The following DNAH9 variants were observed in gnomAD, a reference collection of about 807,000 sequenced individuals.
DNAH9 encodes the protein dynein axonemal heavy chain 9.
In DNAH9, 345 loss-of-function variants were observed where a neutral mutation model predicts 471.6. The ratio of observed to expected loss-of-function variants is 0.73; its 90% CI spans 0.67 to 0.80. DNAH9 has a LOEUF of 0.80. Among genes scored for constraint, DNAH9 ranks in the 30% least tolerant of loss-of-function variants. The probability of loss-of-function intolerance (pLI) is 0.00; values close to 1 mark genes in which losing one functional copy is unlikely to be tolerated. For synonymous variants in DNAH9, 2,093 were observed against 2,123.6 expected (o/e 0.99, Z 0.40); for missense variants, 5,407 against 5,609.2 (o/e 0.96, Z 1.15).
intron 48 of DNAH9, among the ~76,000 whole-genome samples, chr17:11,834,193 G>T (rs1970762801): frequency 1.3e-5 from 2 of 151,990 alleles, no homozygotes; most frequent in Non-Finnish European, 2.9e-5. Flanking sequence ...GCTGGGCTTG[G>T]TGGCACATGC....
intron 10 of DNAH9, among the ~76,000 whole-genome samples, chr17:11,642,510 C>CAT (rs2073295363): frequency 6.6e-6 from 1 of 152,108 alleles, no homozygotes; most frequent in East Asian, 1.9e-4. Context: ...CGAGATTGCG[C>CAT]CATTGCACTC....
rs1967557471 is a variant in DNAH9 at position 11,759,483 on chromosome 17, T to G, written c.6995+1791T>G. On this transcript the variant is annotated intron_variant, in intron 35 of 68. Transcript: ENST00000262442. ...ATTCTTTTTTATGACTAAGTAGTAT[T>G]CCATGTGATATACATAGGTATATAT... 2.0e-5 allele frequency among the ~76,000 whole-genome samples: 3 copies of G among 151,212 alleles called. No homozygotes were observed. The South Asian group carries it at 6.3e-4, about 32-fold the overall frequency.
At chr17:11,964,538 G>A (rs372879322) in intron 68 of DNAH9, among the ~76,000 whole-genome samples, 57 of 152,242 alleles carry the variant, frequency 3.7e-4, no homozygotes, top group Admixed American at 5.2e-4. Context: ...GAAGAGTCAG[G>A]ACCTCCTAAA....
rs146550847 is a variant in DNAH9 at position 11,792,270 on chromosome 17, G to A, written c.8062-1233G>A. ...GCCTGGGCAACAAGAGCGAAACTCC[G>A]TCTCAAAAAGAAAAGAGTGATCATG... On this transcript the variant is annotated intron_variant, in intron 41 of 68. Transcript: ENST00000262442. Among the ~76,000 whole-genome samples the A allele has an allele frequency of 8.8e-4, 134 of 152,258 alleles. No individual in the cohort carries two copies. The East Asian group carries it at 0.013, about 14-fold the overall frequency.
At chr17:11,654,705 C>T (rs2073600755) in intron 14 of DNAH9, among the ~76,000 whole-genome samples, 1 of 151,852 alleles carries the variant, frequency 6.6e-6, no homozygotes, top group Non-Finnish European at 1.5e-5. Context: ...TATCTAGTAT[C>T]TACTATACAC....
intron 61 of DNAH9, among the ~76,000 whole-genome samples, chr17:11,906,627 C>CA (rs61461731): frequency 0.045 from 4,366 of 97,924 alleles, 299 homozygotes; most frequent in African/African-American, 0.16. Context: ...GACTCTGTCT[C>CA]AAAAAAAAAA....
chr17:11,705,357 C>A (rs992703893), intron 26 of DNAH9, 172 bp downstream of exon 26: 1 of 587,724 alleles, frequency 1.7e-6, no homozygotes, highest in African/African-American at 1.9e-5. Flanking sequence ...TAGGGCAGAG[C>A]CTTTCTTGGA....
intron 13 of DNAH9, among the ~76,000 whole-genome samples, 181 bp from the exon 14 acceptor site, chr17:11,652,580 C>T (rs1416499528): frequency 5.3e-5 from 8 of 152,100 alleles, no homozygotes; most frequent in Non-Finnish European, 7.4e-5. Flanking sequence ...CCACCGTGCC[C>T]GGCCAGGGTT....
At chr17:11,835,788 A>G (rs1970831242) in intron 49 of DNAH9, among the ~76,000 whole-genome samples, 1 of 152,098 alleles carries the variant, frequency 6.6e-6, no homozygotes, top group South Asian at 2.1e-4. Context: ...CTTCCTTCAA[A>G]TGAAACACTT....
chr17:11,722,115 G>T (rs546844146), intron 27 of DNAH9, among the ~76,000 whole-genome samples: 1 of 152,216 alleles, frequency 6.6e-6, no homozygotes, highest in Non-Finnish European at 1.5e-5. Flanking sequence ...GTCAGGAAGA[G>T]CTGCTGTGCA....
intron 41 of DNAH9, among the ~76,000 whole-genome samples, chr17:11,788,995 TAA>T (rs898976569): frequency 3.9e-5 from 6 of 152,212 alleles, no homozygotes; most frequent in African/African-American, 1.2e-4. Flanking sequence ...TTTAATTATA[TAA>T]AGTTTTTCTC....
chr17:11,787,688 G>A (rs1234827266), intron 41 of DNAH9, among the ~76,000 whole-genome samples: 1 of 152,138 alleles, frequency 6.6e-6, no homozygotes, highest in African/African-American at 2.4e-5. Flanking sequence ...ATCTCATCTT[G>A]AATTGTACTC....
intron 50 of DNAH9, among the ~76,000 whole-genome samples, chr17:11,860,302 T>C (rs1357297679): frequency 1.3e-5 from 2 of 152,218 alleles, no homozygotes; most frequent in Non-Finnish European, 2.9e-5. Flanking sequence ...AACTTTCCAT[T>C]TACAATTAAG....
At chr17:11,846,416 T>C (rs1282184823) in intron 49 of DNAH9, among the ~76,000 whole-genome samples, 2 of 151,660 alleles carry the variant, frequency 1.3e-5, no homozygotes, top group African/African-American at 4.9e-5. Flanking sequence ...CCTTGTAATA[T>C]AGTTTGAAGT....
chr17:11,656,285 G>C (rs1191229921), intron 14 of DNAH9, among the ~76,000 whole-genome samples: 1 of 152,056 alleles, frequency 6.6e-6, no homozygotes, highest in African/African-American at 2.4e-5. Flanking sequence ...ATTGCATTGT[G>C]GTTTTGATTT....
chr17:11,895,706 A>G (rs765580073), intron 59 of DNAH9, among the ~76,000 whole-genome samples: 4 of 152,276 alleles, frequency 2.6e-5, no homozygotes, highest in East Asian at 1.9e-4. Context: ...CCAGTTCCCA[A>G]TACCTACCAA....
At chr17:11,946,861 C>T (rs1177372490) in intron 67 of DNAH9, among the ~76,000 whole-genome samples, 2 of 152,088 alleles carry the variant, frequency 1.3e-5, no homozygotes, top group African/African-American at 4.8e-5. Flanking sequence ...TGGACAAACC[C>T]AAATGCTGTG....
chr17:11,864,603 T>C (rs1433040447), intron 50 of DNAH9, among the ~76,000 whole-genome samples: 1 of 152,138 alleles, frequency 6.6e-6, no homozygotes, highest in Non-Finnish European at 1.5e-5. Context: ...CGCTGATCTG[T>C]CTAATGTTGA....
At chr17:11,684,857 G>A (rs963486327) in intron 19 of DNAH9, among the ~76,000 whole-genome samples, 1 of 152,222 alleles carries the variant, frequency 6.6e-6, no homozygotes, top group African/African-American at 2.4e-5. Flanking sequence ...AGTGTCTGCT[G>A]TCTCTTCCAT....
Sources: gnomAD v4.1 joint callset for allele counts (sites outside exome capture counted in the v4.1 genomes callset) on GRCh38, gnomAD v4.1.1 for gene constraint, MANE v1.5 for transcripts, NCBI Gene and HGNC (gene_info 2026-07-23, HGNC 2026-07-21) for gene names.